The following TRMT11 variants were observed in gnomAD, a reference collection of about 807,000 sequenced individuals.
TRMT11 encodes the protein tRNA (guanine(10)-N(2))-methyltransferase TRMT11.
A neutral mutation model predicts 62.8 loss-of-function variants in TRMT11; 53 were observed. That is an observed-to-expected ratio of 0.84 (90% CI 0.68 to 1.06). The LOEUF (loss-of-function observed/expected upper bound fraction) is 1.06. Among genes scored for constraint, TRMT11 ranks in the 50% least tolerant of loss-of-function variants. The pLI is 0.00. For synonymous variants in TRMT11, 188 were observed against 190.3 expected, an observed-to-expected ratio of 0.99 and a Z score of 0.10; for missense variants, 556 against 553.4, an observed-to-expected ratio of 1.00 and a Z score of -0.05.
chr6:126,047,424 G>T (rs1218900961), intron 16 of TRMT11, among the ~76,000 whole-genome samples: 2 of 151,772 alleles, frequency 1.3e-5, no homozygotes, highest in African/African-American at 4.8e-5. Context: ...TGGCTGAACT[G>T]CAGGGGAAGA....
chr6:126,040,376 A>G (rs1025689067), downstream of TRMT11, among the ~76,000 whole-genome samples: 1 of 152,136 alleles, frequency 6.6e-6, no homozygotes, highest in Non-Finnish European at 1.5e-5. Context: ...TCAGTTTCCC[A>G]TTCCTGAAAT....
At chr6:126,137,300 G>A (rs1342345317) in intron 21 of TRMT11, among the ~76,000 whole-genome samples, 1 of 151,300 alleles carries the variant, frequency 6.6e-6, no homozygotes, top group Non-Finnish European at 1.5e-5. Context: ...AAAAAAGCAA[G>A]CTAGCAAGCA....
chr6:126,163,041 AC>A (rs1189085362), intron 21 of TRMT11, among the ~76,000 whole-genome samples: 1 of 152,068 alleles, frequency 6.6e-6, no homozygotes, highest in Non-Finnish European at 1.5e-5. Flanking sequence ...CTATTTGAAT[AC>A]CCTTTATTTT....
chr6:126,099,794 A>AT (rs1221168730), intron 17 of TRMT11, among the ~76,000 whole-genome samples: 5 of 152,202 alleles, frequency 3.3e-5, no homozygotes, highest in African/African-American at 1.2e-4. Flanking sequence ...AACAATTGTT[A>AT]TTTTTATTTT....
chr6:126,084,433 G>GT (rs1013131738), intron 17 of TRMT11, among the ~76,000 whole-genome samples: 3 of 151,998 alleles, frequency 2.0e-5, no homozygotes, highest in Non-Finnish European at 4.4e-5. Context: ...CAGGTGATTT[G>GT]TTTTTTCACT....
the TRMT11 span, among the ~76,000 whole-genome samples, chr6:126,234,270 A>G: frequency 6.6e-6 from 1 of 152,214 alleles, no homozygotes; most frequent in African/African-American, 2.4e-5. Flanking sequence ...ACAATTTCAA[A>G]GCAGAATGTG....
intron 17 of TRMT11, among the ~76,000 whole-genome samples, chr6:126,086,512 G>T (rs999417274): frequency 6.6e-6 from 1 of 151,920 alleles, no homozygotes; most frequent in Admixed American, 6.6e-5. Context: ...TACTACTATG[G>T]TTCATAGTTT....
At chr6:126,010,135 T>A (rs2128812832) in intron 8 of TRMT11, among the ~76,000 whole-genome samples, 1 of 152,040 alleles carries the variant, frequency 6.6e-6, no homozygotes, top group South Asian at 2.1e-4. Context: ...TCTTGTCTCC[T>A]CTTCTTCATC....
chr6:126,261,446 A>G, the TRMT11 span, among the ~76,000 whole-genome samples: 1 of 152,020 alleles, frequency 6.6e-6, no homozygotes, highest in Non-Finnish European at 1.5e-5. Flanking sequence ...GGAGTCTGCT[A>G]CTAAGGATTT....
chr6:126,020,660 A>T (rs915081523), intron 11 of TRMT11, among the ~76,000 whole-genome samples: 1 of 152,246 alleles, frequency 6.6e-6, no homozygotes, highest in Non-Finnish European at 1.5e-5. Context: ...TACAAACGTA[A>T]TAGAGATGTT....
intron 16 of TRMT11, among the ~76,000 whole-genome samples, chr6:126,051,097 A>C (rs995644199): frequency 5.3e-5 from 8 of 152,176 alleles, no homozygotes; most frequent in African/African-American, 1.9e-4. Context: ...TGCCTTTTGA[A>C]GTTTTTATAT....
chr6:126,044,039 G>A (rs1446275284), downstream of TRMT11, among the ~76,000 whole-genome samples: 1 of 151,462 alleles, frequency 6.6e-6, no homozygotes, highest in Non-Finnish European at 1.5e-5. Context: ...CTTTTGCTGT[G>A]CAGAAGCTCT....
At chr6:126,162,659 G>A (rs1379099445) in intron 21 of TRMT11, among the ~76,000 whole-genome samples, 1 of 152,304 alleles carries the variant, frequency 6.6e-6, no homozygotes, top group East Asian at 1.9e-4. Flanking sequence ...AGGCAGCATG[G>A]CCATTTTTAT....
intron 21 of TRMT11, among the ~76,000 whole-genome samples, chr6:126,144,340 A>G (rs1241398154): frequency 6.6e-6 from 1 of 152,190 alleles, no homozygotes; most frequent in Non-Finnish European, 1.5e-5. Flanking sequence ...AAAATTGGAA[A>G]AAATTGGCGT....
the TRMT11 span, among the ~76,000 whole-genome samples, chr6:126,237,567 G>C: frequency 6.6e-6 from 1 of 152,090 alleles, no homozygotes; most frequent in East Asian, 1.9e-4. Flanking sequence ...TGACATCCTA[G>C]CTACTTGGGA....
rs1377700386 is a variant in TRMT11 at position 126,022,208 on chromosome 6, T to G, written c.1260+928T>G. ...ACAGGTGCCTGCCACTATGCCTGGC[T>G]GATTTTTTTTTTGTATTTTTAATAG... On this transcript the variant is annotated intron_variant, in intron 12 of 12. Coordinates refer to ENST00000334379, the MANE Select transcript of TRMT11 (RefSeq NM_001031712.3). 2.0e-5 allele frequency among the ~76,000 whole-genome samples: 3 copies of G among 151,832 alleles called. No individual in the cohort carries two copies. The South Asian group carries it at 6.3e-4, about 32-fold the overall frequency.
the TRMT11 span, among the ~76,000 whole-genome samples, chr6:126,210,918 T>TA: frequency 6.6e-6 from 1 of 152,050 alleles, no homozygotes; most frequent in Non-Finnish European, 1.5e-5. Context: ...TCATCTACTC[T>TA]ATCCCCCACA....
the TRMT11 span, among the ~76,000 whole-genome samples, chr6:126,247,466 T>TATC: frequency 6.9e-6 from 1 of 145,568 alleles, no homozygotes; most frequent in African/African-American, 2.6e-5. Flanking sequence ...TCTATCTATC[T>TATC]ATCTATCTAT....
chr6:126,169,757 C>T (rs1376238110), intron 21 of TRMT11, among the ~76,000 whole-genome samples: 1 of 152,178 alleles, frequency 6.6e-6, no homozygotes, highest in Admixed American at 6.5e-5. Flanking sequence ...GTTCTTACTT[C>T]CCCTTCCTAG....
Sources: gnomAD v4.1 joint callset for allele counts (sites outside exome capture counted in the v4.1 genomes callset) on GRCh38, gnomAD v4.1.1 for gene constraint, MANE v1.5 for transcripts, NCBI Gene and HGNC (gene_info 2026-07-23, HGNC 2026-07-21) for gene names.